Variants in SHISA4 observed in about 807,000 individuals in gnomAD.
The protein encoded by SHISA4 is protein shisa-4.
Under a neutral mutation model 24.2 loss-of-function variants are expected in SHISA4, and 16 were observed. That is an observed-to-expected ratio of 0.66 (90% CI 0.45 to 1.00). SHISA4 has a LOEUF of 1.00. SHISA4 is among the 50% of genes least tolerant of loss of function. The probability of loss-of-function intolerance (pLI) is 0.00; values close to 1 mark genes in which losing one functional copy is unlikely to be tolerated. For synonymous variants in SHISA4, 106 were observed against 105.4 expected, an observed-to-expected ratio of 1.01 and a Z score of -0.04; for missense variants, 238 against 258.9, an observed-to-expected ratio of 0.92 and a Z score of 0.55.
At chr1:201,889,192 T>A (rs1277842375) in intron 1 of SHISA4, 125 bp downstream of exon 1, 1 of 1,023,168 alleles carries the variant, frequency 9.8e-7, no homozygotes, top group Non-Finnish European at 1.4e-6. Context: ...GCCTTGGGTG[T>A]TGCTGGGTCC....
At chr1:201,891,206 C>T (rs1033171123) in intron 3 of SHISA4, among the ~76,000 whole-genome samples, 195 bp from the exon 4 acceptor site, 6 of 152,162 alleles carry the variant, frequency 3.9e-5, no homozygotes, top group African/African-American at 1.4e-4. Context: ...ACTTGCTCAA[C>T]ACAGATTGAC....
At chr1:201,891,305 C>A in intron 3 of SHISA4, 96 bp from the exon 4 acceptor site, 1 of 1,479,074 alleles carries the variant, frequency 6.8e-7, no homozygotes, top group Admixed American at 1.7e-5. Context: ...TTGCCAGAGG[C>A]CAGCACCAGG....
At chr1:201,890,730 A>G (rs772563232) in intron 3 of SHISA4, 143 bp downstream of exon 3, 2 of 1,104,054 alleles carry the variant, frequency 1.8e-6, no homozygotes, top group Non-Finnish European at 1.3e-6. Context: ...AAACCCAGAA[A>G]AATGCTTGTA....
Position 201,889,016 on chromosome 1 carries a change from C to G in SHISA4, c.22C>G (p.Arg8Gly). 1.4e-6 allele frequency: 2 copies of G among 1,381,366 alleles called. No homozygotes were observed. The highest frequency in any genetic ancestry group is 1.9e-6 in the Non-Finnish European group (2 of 1,067,720). The allele number at this position is 1,381,366 out of a possible 1,614,324, so 85.6% of individuals were successfully genotyped here. MPPAGLRRAAPLTAIALL... is the reference protein window; with the variant it reads MPPAGLRGAAPLTAIALL... Reference sequence around the variant, plus strand: ...CACCATGCCACCCGCGGGGCTCCGCCGGGCCGCGCCGCTCACCGCAATCGC... The same window carrying G: ...CACCATGCCACCCGCGGGGCTCCGCGGGGCCGCGCCGCTCACCGCAATCGC... Residue 8 changes from arginine (R) to glycine (G), a missense_variant, in exon 1 of 5, where the codon CGG becomes GGG. Arg to Gly is a moderately radical substitution (Grantham distance 125, BLOSUM62 -2). Transcript: ENST00000362011.
chr1:201,891,282 G>A (rs1416704674), intron 3 of SHISA4, 119 bp from the exon 4 acceptor site: 3 of 1,244,868 alleles, frequency 2.4e-6, no homozygotes, highest in East Asian at 4.6e-5. Flanking sequence ...GGCAAAGATG[G>A]CCAGCCTGGA....
intron 4 of SHISA4, 83 bp downstream of exon 4, chr1:201,891,651 A>T (rs1363103154): frequency 6.5e-7 from 1 of 1,539,282 alleles, no homozygotes; most frequent in Non-Finnish European, 8.9e-7. Context: ...TCTCATTCTC[A>T]GATTCCCTCT....
chr1:201,891,801 T>C lies in SHISA4; in HGVS notation c.549T>C (p.Ala183=), dbSNP rs2102903285. The C allele has an allele frequency of 6.2e-7, 1 of 1,613,972 alleles. No homozygotes were observed. The highest frequency in any genetic ancestry group is 8.5e-7 in the Non-Finnish European group (1 of 1,179,964). The stretch of plus-strand genomic sequence containing the variant: ...TCATCCTGTCTCTTTGGCTTTCAGC[T>C]CCTCCTCCCTATATGCCACCACAGC... The part of the protein sequence containing the change: ...PAGPPVYNPA[A]PPPYMPPQPS... Residue 183 remains alanine (A), a splice_region_variant and synonymous_variant, in exon 5 of 5, where the codon GCT becomes GCC. Coordinates refer to ENST00000362011, the MANE Select transcript of SHISA4 (RefSeq NM_198149.3).
chr1:201,891,917 A>T lies in SHISA4; in HGVS notation c.*71A>T. On this transcript the variant is annotated 3_prime_UTR_variant, in exon 5 of 5. Coordinates refer to ENST00000362011, the MANE Select transcript of SHISA4 (RefSeq NM_198149.3). ...GGAGATGCCCTCATCCTGTACCTGC[A>T]TCTGGTCCTGGGGGTGGCAGGAGTC... 6.3e-7 allele frequency: 1 copy of T among 1,577,150 alleles called. No individual in the cohort carries two copies. The highest frequency in any genetic ancestry group is 2.2e-5 in the East Asian group (1 of 44,664).
At position 201,890,566 on chromosome 1, in the gene SHISA4, C is replaced by T. The variant is rs762807397; in HGVS notation, c.358C>T (p.Gln120Ter). ...TTGCTACCTGTACCGCCGGCGCCAG[C>T]AGCTCCAGAGCCCATTTGAAGGTAC... Reference protein sequence around the residue: ...SCCYLYRRRQQLQSPFEGQEI... With the variant: ...SCCYLYRRRQ The change falls in exon 3 of 5, where the codon CAG becomes TAG. Residue 120 changes from glutamine to a stop codon, truncating the protein, a stop_gained. Coordinates refer to ENST00000362011, the MANE Select transcript of SHISA4 (RefSeq NM_198149.3). LOFTEE classifies it high-confidence loss of function. The T allele has an allele frequency of 2.5e-6, 4 of 1,614,088 alleles. No individual in the cohort carries two copies. The highest frequency in any genetic ancestry group is 3.4e-6 in the Non-Finnish European group (4 of 1,180,054).
chr1:201,889,688 C>T lies in SHISA4; in HGVS notation c.245+72C>T. ...CCAGAGGCCTCCTCTTCCTCCCTCC[C>T]GGACTCCTGCCTCCTCCGTTGTCGA... On this transcript the variant is annotated intron_variant, in intron 2 of 4. Coordinates refer to ENST00000362011, the MANE Select transcript of SHISA4 (RefSeq NM_198149.3). 19 of 1,546,068 alleles carry T rather than the reference C, an allele frequency of 1.2e-5. 1 individual carries two copies. In the South Asian group the frequency reaches 1.7e-4, roughly 14 times the overall value.
rs1386398609 is a variant in SHISA4, at chr1:201,889,554, C to T, written c.183C>T (p.Tyr61=). The T allele has an allele frequency of 3.7e-6, 6 of 1,613,988 alleles. No homozygotes were observed. The African/African-American group carries it at 4.0e-5, about 11-fold the overall frequency. The part of the protein sequence containing the change: ...TFCCGTCYHR[Y]CCRDLTLLIT... ...GCTGCGGGACCTGCTACCATCGGTA[C>T]TGCTGCAGGGACCTGACCTTGCTTA... The change falls in exon 2 of 5, where the codon TAC becomes TAT. Residue 61 remains tyrosine, a synonymous_variant. Coordinates refer to ENST00000362011, the MANE Select transcript of SHISA4 (RefSeq NM_198149.3).
intron 3 of SHISA4, among the ~76,000 whole-genome samples, chr1:201,891,158 T>C (rs1681089416): frequency 6.6e-6 from 1 of 152,194 alleles, no homozygotes; most frequent in Non-Finnish European, 1.5e-5. Context: ...CTGTGCTCCC[T>C]GGTTCATGAG....
rs918287919 is a variant in SHISA4, at chr1:201,892,320, A to G, written c.*474A>G. 5.6e-5 allele frequency: 10 copies of G among 179,084 alleles called. No homozygotes were observed. The highest frequency in any genetic ancestry group is 2.4e-4 in the African/African-American group (10 of 41,824). The allele number at this position is 179,084 out of a possible 1,614,324, so 11.1% of individuals were successfully genotyped here. A position where few individuals can be genotyped will look rare whatever the true frequency, so the allele number is the denominator to read the frequency against. ...AGACATAACTCATATCAGTCGCATC[A>G]TTGGACCCATCCACACCTTCCAGGA... On this transcript the variant is annotated 3_prime_UTR_variant, in exon 5 of 5. Transcript: ENST00000362011.
At chr1:201,889,199 G>A in intron 1 of SHISA4, 132 bp downstream of exon 1, 1 of 1,002,238 alleles carries the variant, frequency 1.0e-6, no homozygotes, top group Non-Finnish European at 1.4e-6. Flanking sequence ...GTGTTGCTGG[G>A]TCCTCAAGAA....
At chr1:201,889,752 A>G in intron 2 of SHISA4, 136 bp downstream of exon 2, 1 of 1,067,636 alleles carries the variant, frequency 9.4e-7, no homozygotes, top group Non-Finnish European at 1.4e-6. Context: ...CCAGGACTCA[A>G]GCCTGGCGGC....
In SHISA4 at chr1:201,892,524, T is replaced by C. The variant is rs1481238911; in HGVS notation, c.*678T>C. Among the ~76,000 whole-genome samples, 22 of 152,064 alleles carry C rather than the reference T, an allele frequency of 1.4e-4. 1 individual carries two copies. The highest frequency in any genetic ancestry group is 1.4e-3 in the Admixed American group (21 of 15,272). Reference sequence around the variant, plus strand: ...ACAATGAGGTGAATTTTGCCACAGCTCTGAAGAGATGCTCGTTTGCACTAC... The same window carrying C: ...ACAATGAGGTGAATTTTGCCACAGCCCTGAAGAGATGCTCGTTTGCACTAC... On this transcript the variant is annotated 3_prime_UTR_variant, in exon 5 of 5. Coordinates refer to ENST00000362011, the MANE Select transcript of SHISA4 (RefSeq NM_198149.3).
At chr1:201,891,705 CTT>C in intron 4 of SHISA4, 93 bp from the exon 5 acceptor site, 1 of 1,558,040 alleles carries the variant, frequency 6.4e-7, no homozygotes. Context: ...CAGGCCCACT[CTT>C]CCCTATGGGT....
chr1:201,889,385 A>G, intron 1 of SHISA4, 60 bp from the exon 2 acceptor site: 1 of 1,595,778 alleles, frequency 6.3e-7, no homozygotes, highest in Non-Finnish European at 8.5e-7. Context: ...AGTGGGGCCG[A>G]GCGCGGCTGG....
In SHISA4 at chr1:201,892,148, T is replaced by G; in HGVS notation, c.*302T>G. 3 of 292,882 alleles carry G rather than the reference T, an allele frequency of 1.0e-5. No homozygotes were observed. The highest frequency in any genetic ancestry group is 1.9e-5 in the Non-Finnish European group (3 of 161,150). 18.1% of individuals were successfully genotyped at this position (292,882 alleles called of 1,614,324 possible). ...TCAAATAGTCCCTCTGCTCCCAAGA[T>G]CCCAGCCAGGAAGGCTGGGGCCCTA... On this transcript the variant is annotated 3_prime_UTR_variant, in exon 5 of 5. Coordinates refer to ENST00000362011, the MANE Select transcript of SHISA4 (RefSeq NM_198149.3).
Sources: gnomAD v4.1 joint callset for allele counts (sites outside exome capture counted in the v4.1 genomes callset) on GRCh38, gnomAD v4.1.1 for gene constraint, MANE v1.5 for transcripts, NCBI Gene and HGNC (gene_info 2026-07-23, HGNC 2026-07-21) for gene names.